The following NIPA1 variants were observed in gnomAD, a reference collection of about 807,000 sequenced individuals.
NIPA1 encodes the protein NIPA magnesium transporter 1.
NIPA1 carries 13 observed loss-of-function variants against 23.9 expected under a neutral mutation model. That is an observed-to-expected ratio of 0.54 (90% CI 0.35 to 0.87). The LOEUF (loss-of-function observed/expected upper bound fraction) is 0.87, where lower values mean the gene tolerates loss of function less well. NIPA1 is among the 40% of genes least tolerant of loss of function. NIPA1 has a pLI of 0.01. For synonymous variants in NIPA1, 234 were observed against 202.9 expected, an observed-to-expected ratio of 1.15 and a Z score of -1.30; for missense variants, 362 against 429.7, an observed-to-expected ratio of 0.84 and a Z score of 1.39.
intron 4 of NIPA1, among the ~76,000 whole-genome samples, chr15:22,823,368 AT>A (rs1895581783): frequency 6.6e-6 from 1 of 151,274 alleles, no homozygotes; most frequent in African/African-American, 2.4e-5. Flanking sequence ...GCGCGCTGTA[AT>A]TTTTGTACTT....
chr15:22,812,560 C>T (rs1311380077), intron 3 of NIPA1, among the ~76,000 whole-genome samples: 1 of 151,398 alleles, frequency 6.6e-6, no homozygotes, highest in African/African-American at 2.4e-5. Context: ...GGGTGAGACA[C>T]AAGAATTGCT....
At chr15:22,791,163 G>A (rs1175808920) in intron 1 of NIPA1, among the ~76,000 whole-genome samples, 5 of 152,166 alleles carry the variant, frequency 3.3e-5, no homozygotes, top group Non-Finnish European at 7.3e-5. Flanking sequence ...CACTGGCGAA[G>A]TATGAAATTA....
intron 1 of NIPA1, among the ~76,000 whole-genome samples, chr15:22,791,288 C>G (rs1894819946): frequency 6.6e-6 from 1 of 151,936 alleles, no homozygotes; most frequent in South Asian, 2.1e-4. Flanking sequence ...CTCTGTATGT[C>G]TGAAAGTCAA....
chr15:22,796,372 T>G (rs1000819928), intron 1 of NIPA1, among the ~76,000 whole-genome samples: 1 of 152,222 alleles, frequency 6.6e-6, no homozygotes, highest in Admixed American at 6.5e-5. Context: ...CCAACAATCC[T>G]TGGTCTTACT....
Position 22,823,729 on chromosome 15 carries a change from G to A in NIPA1, c.480G>A (p.Val160=). 3 of 1,605,052 alleles carry A rather than the reference G, an allele frequency of 1.9e-6. No homozygotes were observed. The highest frequency in any genetic ancestry group is 1.7e-4 in the Middle Eastern group (1 of 5,922). The change falls in exon 5 of 5, where the codon GTG becomes GTA. Residue 160 remains valine, a splice_region_variant and synonymous_variant. Transcript: ENST00000337435. ...AELEEKLTNP[V]FVGYLCIVLL... The stretch of plus-strand genomic sequence containing the variant: ...GACTGTGTGCTGTCTGTGTTCCAGT[G>A]TTTGTGGGCTACCTGTGCATCGTGC...
At chr15:22,816,472 C>G (rs1230121172) in intron 3 of NIPA1, among the ~76,000 whole-genome samples, 3 of 145,638 alleles carry the variant, frequency 2.1e-5, no homozygotes, top group African/African-American at 7.6e-5. Flanking sequence ...CAGGTGTGAG[C>G]CACCGCACCC....
At chr15:22,789,686 TG>T (rs1894789489) in intron 1 of NIPA1, among the ~76,000 whole-genome samples, 1 of 152,124 alleles carries the variant, frequency 6.6e-6, no homozygotes, top group African/African-American at 2.4e-5. Flanking sequence ...ATGTTACCAG[TG>T]GGGAATCCAT....
At chr15:22,823,660 C>T in intron 4 of NIPA1, 68 bp from the exon 5 acceptor site, 2 of 1,517,540 alleles carry the variant, frequency 1.3e-6, no homozygotes, top group Admixed American at 1.9e-5. Flanking sequence ...GGTGCTGCCC[C>T]AGTCCACCTC....
chr15:22,826,022 A>T lies in NIPA1; in HGVS notation c.*1783A>T, dbSNP rs995147839. 6.6e-6 allele frequency: 1 copy of T among 152,196 alleles called. No homozygotes were observed. Among genetic ancestry groups the T allele is most frequent in the South Asian group, 2.1e-4 (1 of 4,832 alleles). The allele number at this position is 152,196 out of a possible 1,614,324, so 9.4% of individuals were successfully genotyped here. On this transcript the variant is annotated 3_prime_UTR_variant, in exon 5 of 5. Transcript: ENST00000337435. Reference sequence around the variant, plus strand: ...TGAAAGATGGGGTTGGGTAAAGTAGATTAGGTGAAGTAGAACATAAAATTG... The same window carrying T: ...TGAAAGATGGGGTTGGGTAAAGTAGTTTAGGTGAAGTAGAACATAAAATTG...
rs1380037959 is a variant in NIPA1, at chr15:22,825,995, G to A, written c.*1756G>A. The A allele has an allele frequency of 6.6e-6, 1 of 152,340 alleles. No individual in the cohort carries two copies. The highest frequency in any genetic ancestry group is 1.5e-5 in the Non-Finnish European group (1 of 68,026). The allele number at this position is 152,340 out of a possible 1,614,324, so 9.4% of individuals were successfully genotyped here. A position where few individuals can be genotyped will look rare whatever the true frequency, so the allele number is the denominator to read the frequency against. On this transcript the variant is annotated 3_prime_UTR_variant, in exon 5 of 5. Transcript: ENST00000337435. ...TTATCTCAGCAGGGAACTACGCCAA[G>A]TTGAAAGATGGGGTTGGGTAAAGTA... is the stretch of plus-strand genomic sequence containing the variant.
intron 3 of NIPA1, among the ~76,000 whole-genome samples, chr15:22,817,447 C>A (rs1408955417): frequency 7.0e-6 from 1 of 142,604 alleles, no homozygotes; most frequent in Non-Finnish European, 1.5e-5. Flanking sequence ...TGCAGTGAGC[C>A]GAGATCGGGC....
In NIPA1 at chr15:22,823,805, A is replaced by G. The variant is rs758642641; in HGVS notation, c.556A>G (p.Thr186Ala). ...IFWIAPAHGP[T>A]NIMVYISICS... ...CTGGATCGCGCCGGCCCATGGGCCC[A>G]CCAACATCATGGTCTACATCAGCAT... Residue 186 changes from threonine (T) to alanine (A), a missense_variant, in exon 5 of 5, where the codon ACC becomes GCC. Physicochemically the swap from Thr to Ala is moderately conservative, Grantham distance 58. Around this residue, in one of 2 missense-constraint regions of NIPA1, gnomAD observed 277 missense variants for 372.0 expected, o/e 0.74. Transcript: ENST00000337435. 6.2e-7 allele frequency: 1 copy of G among 1,613,980 alleles called. No individual in the cohort carries two copies. The highest frequency in any genetic ancestry group is 1.1e-5 in the South Asian group (1 of 91,068).
At chr15:22,800,009 C>T (rs891705091) in intron 1 of NIPA1, among the ~76,000 whole-genome samples, 2 of 145,992 alleles carry the variant, frequency 1.4e-5, no homozygotes, top group African/African-American at 5.0e-5. Context: ...CTGGGGACTG[C>T]TAGAGGGGAA....
intron 3 of NIPA1, among the ~76,000 whole-genome samples, chr15:22,818,488 A>G (rs1895470131): frequency 6.6e-6 from 1 of 151,080 alleles, no homozygotes; most frequent in Non-Finnish European, 1.5e-5. Context: ...AAAAAGTCAG[A>G]TAACCCAATT....
At chr15:22,809,215 C>T (rs1895271973) in intron 1 of NIPA1, among the ~76,000 whole-genome samples, 2 of 151,986 alleles carry the variant, frequency 1.3e-5, no homozygotes, top group South Asian at 4.2e-4. Flanking sequence ...AGCAAAACCC[C>T]CTCTCTACTA....
chr15:22,805,140 T>G (rs778701385), intron 1 of NIPA1, among the ~76,000 whole-genome samples: 4 of 152,078 alleles, frequency 2.6e-5, no homozygotes, highest in Non-Finnish European at 4.4e-5. Flanking sequence ...ATGCCCAGCC[T>G]ATGGTAAATC....
At chr15:22,820,923 T>C (rs1193850163) in intron 4 of NIPA1, among the ~76,000 whole-genome samples, 1 of 152,164 alleles carries the variant, frequency 6.6e-6, no homozygotes, top group African/African-American at 2.4e-5. Context: ...ATCTCTTAAG[T>C]TTAGATTCCT....
chr15:22,808,091 C>T (rs1329228519), intron 1 of NIPA1, among the ~76,000 whole-genome samples: 1 of 152,010 alleles, frequency 6.6e-6, no homozygotes, highest in Admixed American at 6.6e-5. Context: ...ACCCGGCCCA[C>T]TTTGTTAAGT....
chr15:22,824,335 G>A lies in NIPA1; in HGVS notation c.*96G>A. ...AGTAGAAGAGGTCCTCGATCATGGT[G>A]TTAGAATTGACTGGATAGTAACAGG... On this transcript the variant is annotated 3_prime_UTR_variant, in exon 5 of 5. Coordinates refer to ENST00000337435, the MANE Select transcript of NIPA1 (RefSeq NM_144599.5). The surrounding 1 kb of genome is among the most constrained non-coding windows in gnomAD (Gnocchi z 4.1). The A allele has an allele frequency of 9.1e-7, 1 of 1,096,252 alleles. No homozygotes were observed. The highest frequency in any genetic ancestry group is 1.3e-5 in the South Asian group (1 of 79,586). The allele number at this position is 1,096,252 out of a possible 1,614,324, so 67.9% of individuals were successfully genotyped here.
Sources: gnomAD v4.1 joint callset for allele counts (sites outside exome capture counted in the v4.1 genomes callset) on GRCh38, gnomAD v4.1.1 for gene constraint, gnomAD v4.1.1 regional missense constraint, Gnocchi (gnomAD v3.1) non-coding constraint, MANE v1.5 for transcripts, NCBI Gene and HGNC (gene_info 2026-07-23, HGNC 2026-07-21) for gene names.